The following MAML2 variants were observed in gnomAD, a reference collection of about 807,000 sequenced individuals.
The protein encoded by MAML2 is mastermind-like protein 2.
In MAML2, 22 loss-of-function variants were observed where a neutral mutation model predicts 96.1. That is an observed-to-expected ratio of 0.23 (90% CI 0.16 to 0.33). MAML2 has a LOEUF of 0.33. MAML2 is among the 10% of genes least tolerant of loss of function. The pLI, the probability that MAML2 is intolerant of heterozygous loss-of-function variation, is 1.00. For synonymous variants in MAML2, 561 were observed against 521.3 expected (o/e 1.08, Z -1.04); for missense variants, 1,367 against 1,392.4 (o/e 0.98, Z 0.29).
chr11:96,317,103 T>C (rs148269791), intron 1 of MAML2, among the ~76,000 whole-genome samples: 9 of 152,238 alleles, frequency 5.9e-5, no homozygotes, highest in African/African-American at 1.9e-4. Flanking sequence ...CGGTGTCCTG[T>C]TCCTGCTTGC....
chr11:96,004,955 C>G (rs1858153936), intron 2 of MAML2, among the ~76,000 whole-genome samples: 1 of 152,136 alleles, frequency 6.6e-6, no homozygotes, highest in East Asian at 1.9e-4. Flanking sequence ...TGCCTCCTGA[C>G]AGGGATTAGG....
intron 1 of MAML2, among the ~76,000 whole-genome samples, chr11:96,290,857 G>A (rs2509000): frequency 0.73 from 110,448 of 151,886 alleles, 40,363 homozygotes; most frequent in East Asian, 0.85. Context: ...AGGTCACTCT[G>A]TATATAATGC....
intron 1 of MAML2, among the ~76,000 whole-genome samples, chr11:96,095,843 G>A (rs1002477285): frequency 2.0e-5 from 3 of 152,160 alleles, no homozygotes; most frequent in South Asian, 4.1e-4. Flanking sequence ...CAAGGGGCTA[G>A]GCATGCTTTG....
At chr11:96,247,175 T>G (rs1029131278) in intron 1 of MAML2, among the ~76,000 whole-genome samples, 1 of 151,990 alleles carries the variant, frequency 6.6e-6, no homozygotes, top group Non-Finnish European at 1.5e-5. Context: ...ACACACACAT[T>G]TAGTCTTGAC....
chr11:96,251,858 A>C (rs1329378442), intron 1 of MAML2, among the ~76,000 whole-genome samples: 2 of 151,704 alleles, frequency 1.3e-5, no homozygotes, highest in African/African-American at 4.8e-5. Context: ...CAGCCTCCCG[A>C]GTAGCTGGGA....
chr11:96,158,226 A>G (rs1297902628), intron 1 of MAML2, among the ~76,000 whole-genome samples: 1 of 152,250 alleles, frequency 6.6e-6, no homozygotes, highest in African/African-American at 2.4e-5. Flanking sequence ...TAGTTTATTT[A>G]CAGATGAAAG....
intron 1 of MAML2, among the ~76,000 whole-genome samples, chr11:96,210,522 T>G (rs868460776): frequency 6.1e-4 from 93 of 152,370 alleles, no homozygotes; most frequent in African/African-American, 2.2e-3. Context: ...TTCATTCATT[T>G]AATATAGAAC....
Position 96,105,849 on chromosome 11 carries a change from T to G in MAML2, c.514-12332A>C, listed in dbSNP as rs568713535. Among the ~76,000 whole-genome samples the G allele has an allele frequency of 4.0e-4, 60 of 149,422 alleles. 1 individual carries two copies. The East Asian group carries it at 0.012, about 29-fold the overall frequency. On this transcript the variant is annotated intron_variant, in intron 1 of 4. Coordinates refer to ENST00000524717, the MANE Select transcript of MAML2 (RefSeq NM_032427.4). ...ACTAGCTCTATGAAATATGAAGAAG[T>G]TTACTAAGATATTTGGTTATAATGG...
intron 1 of MAML2, among the ~76,000 whole-genome samples, chr11:96,334,164 T>A (rs1052982482): frequency 6.6e-6 from 1 of 152,248 alleles, no homozygotes; most frequent in Non-Finnish European, 1.5e-5. Flanking sequence ...AATATGATAC[T>A]CTTCACTAAC....
chr11:96,262,557 T>A (rs1862765590), intron 1 of MAML2, among the ~76,000 whole-genome samples: 1 of 151,988 alleles, frequency 6.6e-6, no homozygotes, highest in South Asian at 2.1e-4. Flanking sequence ...AACCTCCGCC[T>A]CCCAGGTTGA....
rs558743001 is a variant in MAML2 at position 96,077,217 on chromosome 11, C to CCCT, written c.2139+14674_2139+14675insAGG. Among the ~76,000 whole-genome samples the CCCT allele has an allele frequency of 2.3e-4, 9 of 38,518 alleles. 1 individual carries two copies. Among genetic ancestry groups the CCCT allele is most frequent in the East Asian group, 1.3e-3 (4 of 3,000 alleles). The allele number at this position is 38,518 out of a possible 152,430, so 25.3% of individuals were successfully genotyped here. A position where few individuals can be genotyped will look rare whatever the true frequency, so the allele number is the denominator to read the frequency against. On this transcript the variant is annotated intron_variant, in intron 2 of 4. Transcript: ENST00000524717. ...CTGACTTTTTACCCCAACTCTCTCT[C>CCCT]TCTTTTTTTTTTTTTTTTTTTTAAA... is the stretch of plus-strand genomic sequence containing the variant.
At chr11:96,215,404 C>A (rs1364929212) in intron 1 of MAML2, among the ~76,000 whole-genome samples, 1 of 152,188 alleles carries the variant, frequency 6.6e-6, no homozygotes, top group Non-Finnish European at 1.5e-5. Flanking sequence ...CTCTCTCTTC[C>A]ACTTCCTGTT....
intron 1 of MAML2, among the ~76,000 whole-genome samples, chr11:96,110,858 A>G (rs1306542474): frequency 6.6e-6 from 1 of 152,220 alleles, no homozygotes; most frequent in African/African-American, 2.4e-5. Flanking sequence ...GATCTTGATA[A>G]CCAAAGATAT....
intron 1 of MAML2, among the ~76,000 whole-genome samples, chr11:96,331,876 TTCTC>T (rs1283651944): frequency 1.3e-5 from 2 of 152,010 alleles, no homozygotes; most frequent in Non-Finnish European, 2.9e-5. Context: ...TTGGTCTGTC[TTCTC>T]TCTAAGGGCT....
intron 2 of MAML2, among the ~76,000 whole-genome samples, chr11:96,010,527 A>G (rs1858249760): frequency 6.6e-6 from 1 of 152,228 alleles, no homozygotes. Flanking sequence ...GACAGAGGCT[A>G]CATTTTAGAT....
intron 2 of MAML2, among the ~76,000 whole-genome samples, chr11:96,013,275 A>T (rs77455260): frequency 6.6e-6 from 1 of 152,234 alleles, no homozygotes; most frequent in African/African-American, 2.4e-5. Flanking sequence ...CATTCTTTGT[A>T]TCTATTCACT....
intron 2 of MAML2, among the ~76,000 whole-genome samples, chr11:96,015,046 G>T (rs994447502): frequency 4.6e-5 from 7 of 152,144 alleles, no homozygotes; most frequent in African/African-American, 1.7e-4. Context: ...ATAGATGAGA[G>T]AACTGACATT....
chr11:96,228,740 A>G (rs1277666364), intron 1 of MAML2, among the ~76,000 whole-genome samples: 1 of 152,152 alleles, frequency 6.6e-6, no homozygotes, highest in Non-Finnish European at 1.5e-5. Context: ...CACTGTATTT[A>G]TAAAGTCTTA....
At chr11:96,218,909 A>G (rs1354165782) in intron 1 of MAML2, among the ~76,000 whole-genome samples, 3 of 152,190 alleles carry the variant, frequency 2.0e-5, no homozygotes, top group Non-Finnish European at 4.4e-5. Flanking sequence ...TTATATTTTT[A>G]TTTGCTAAAT....
Sources: allele counts gnomAD v4.1 joint callset (sites outside exome capture counted in the v4.1 genomes callset), GRCh38; gene constraint gnomAD v4.1.1; transcripts MANE v1.5; gene names NCBI Gene and HGNC (gene_info 2026-07-23, HGNC 2026-07-21).